The following RPL7 variants were observed in gnomAD, a reference collection of about 807,000 sequenced individuals.
RPL7 encodes large ribosomal subunit protein uL30.
For missense variants in RPL7, 205 were observed against 301.9 expected, an observed-to-expected ratio of 0.68 and a Z score of 2.38; for synonymous variants, 100 against 102.2, an observed-to-expected ratio of 0.98 and a Z score of 0.13.
In RPL7 at chr8:73,292,290, T is replaced by C. The variant is rs1814118106; in HGVS notation, c.239A>G (p.Asn80Ser). ...RMARMARKAG[N>S]FYVPAEPKLA... ...TTTGGGTTCTGCAGGTACATAGAAG[T>C]TGCCAGCTTTTCTTGCCATCCTCGC... The change falls in exon 3 of 7, where the codon AAC (asparagine) becomes AGC (serine). Residue 80 changes from asparagine (N) to serine (S), a missense_variant. By Grantham distance (46) the Asn-to-Ser change is conservative. Transcript: ENST00000352983. The C allele has an allele frequency of 6.2e-7, 1 of 1,612,842 alleles. No individual in the cohort carries two copies. The highest frequency in any genetic ancestry group is 1.3e-5 in the African/African-American group (1 of 74,888).
upstream of RPL7, chr8:73,293,950 C>A (rs984206420): frequency 1.8e-5 from 5 of 273,940 alleles, no homozygotes; most frequent in Admixed American, 9.8e-5. Flanking sequence ...GGACGAGCCT[C>A]ATGGGGACGA....
At chr8:73,292,472 A>T in intron 2 of RPL7, 67 bp from the exon 3 acceptor site, 1 of 1,399,310 alleles carries the variant, frequency 7.1e-7, no homozygotes, top group East Asian at 2.3e-5. Flanking sequence ...CAATCATTAA[A>T]AAGAAAACTA....
rs935644374 is a variant in RPL7, at chr8:73,290,494, T to A, written c.*213A>T. The stretch of plus-strand genomic sequence containing the variant: ...AAGCCTTTTAAAAACCCAAGAGATG[T>A]CTTTCACACAGACTCGACCCTGATT... On this transcript the variant is annotated 3_prime_UTR_variant, in exon 7 of 7. Transcript: ENST00000352983. 2 of 152,462 alleles carry A rather than the reference T, an allele frequency of 1.3e-5. No individual in the cohort carries two copies. The highest frequency in any genetic ancestry group is 2.9e-5 in the Non-Finnish European group (2 of 68,262). 9.4% of individuals were successfully genotyped at this position (152,462 alleles called of 1,614,324 possible). A position where few individuals can be genotyped will look rare whatever the true frequency, so the allele number is the denominator to read the frequency against.
In RPL7 at chr8:73,292,628, C is replaced by T. The variant is rs532599771; in HGVS notation, c.123+61G>A. ...AGTAAATCTTGCCAAGAACATTCACCTCATCCTCAATCCCAATAAGGCGCC... is the reference window on the plus strand; with the variant it reads ...AGTAAATCTTGCCAAGAACATTCACTTCATCCTCAATCCCAATAAGGCGCC... On this transcript the variant is annotated intron_variant, in intron 2 of 6. Transcript: ENST00000352983. 6.6e-4 allele frequency: 831 copies of T among 1,267,724 alleles called. 3 individuals carry two copies. The highest frequency in any genetic ancestry group is 8.4e-4 in the Non-Finnish European group (746 of 885,922). The allele number at this position is 1,267,724 out of a possible 1,614,324, so 78.5% of individuals were successfully genotyped here.
intron 5 of RPL7, 140 bp from the exon 6 acceptor site, chr8:73,291,392 G>C (rs2130340077): frequency 1.2e-6 from 1 of 847,972 alleles, no homozygotes; most frequent in Non-Finnish European, 1.8e-6. Flanking sequence ...ACAAAGATAA[G>C]GTTCAAGCTA....
Position 73,290,517 on chromosome 8 carries a change from A to C in RPL7, c.*190T>G, listed in dbSNP as rs1046684472. 2.6e-5 allele frequency: 4 copies of C among 152,892 alleles called. No homozygotes were observed. Among genetic ancestry groups the C allele is most frequent in the African/African-American group, 9.6e-5 (4 of 41,460 alleles). The allele number at this position is 152,892 out of a possible 1,614,324, so 9.5% of individuals were successfully genotyped here. ...TGTCTTTCACACAGACTCGACCCTG[A>C]TTTTGCACGAAATGGGCTGTTGATT... On this transcript the variant is annotated 3_prime_UTR_variant, in exon 7 of 7. Coordinates refer to ENST00000352983, the MANE Select transcript of RPL7 (RefSeq NM_000971.4).
chr8:73,291,935 G>GC (rs1207856362), intron 3 of RPL7, 25 bp from the exon 4 acceptor site: 1 of 1,601,572 alleles, frequency 6.2e-7, no homozygotes, highest in Non-Finnish European at 8.6e-7. Context: ...GACCAGAAAT[G>GC]CATTTGCCTT....
chr8:73,292,615 C>T, intron 2 of RPL7, 74 bp downstream of exon 2: 2 of 1,199,494 alleles, frequency 1.7e-6, no homozygotes, highest in Non-Finnish European at 1.2e-6. Flanking sequence ...TAAATCTTGC[C>T]AAGAACATTC....
At chr8:73,293,695 G>C (rs966091671), upstream of RPL7, 9 of 1,554,110 alleles carry the variant, frequency 5.8e-6, no homozygotes, top group Admixed American at 1.8e-5. Context: ...CGACTCATAG[G>C]TGTCTTAGAA....
chr8:73,292,632 T>A (rs1814129547), intron 2 of RPL7, 57 bp downstream of exon 2: 8 of 1,298,504 alleles, frequency 6.2e-6, no homozygotes, highest in Non-Finnish European at 6.6e-6. Flanking sequence ...ATTCACCTCA[T>A]CCTCAATCCC....
At chr8:73,292,140 T>C (rs1352184049) in intron 3 of RPL7, 99 bp downstream of exon 3, 23 of 1,264,628 alleles carry the variant, frequency 1.8e-5, no homozygotes, top group Non-Finnish European at 2.4e-5. Context: ...CCCTAAAATA[T>C]TGTTACTCCG....
intron 1 of RPL7, chr8:73,293,015 C>T (rs1814142265): frequency 2.5e-6 from 1 of 405,194 alleles, no homozygotes; most frequent in Admixed American, 4.1e-5. Context: ...ACAAATATGA[C>T]AATAGCAATA....
At position 73,290,391 on chromosome 8, in the gene RPL7, C is replaced by T. The variant is rs1374605262; in HGVS notation, c.*316G>A. The T allele has an allele frequency of 6.6e-6, 1 of 152,136 alleles. No homozygotes were observed. Among genetic ancestry groups the T allele is most frequent in the Non-Finnish European group, 1.5e-5 (1 of 68,006 alleles). 9.4% of individuals were successfully genotyped at this position (152,136 alleles called of 1,614,324 possible). On this transcript the variant is annotated 3_prime_UTR_variant, in exon 7 of 7. Coordinates refer to ENST00000352983, the MANE Select transcript of RPL7 (RefSeq NM_000971.4). ...AAATCATGTACAAATGCTTGTGAAA[C>T]AGGCTTTCTTAGAATAAACCCATTT...
chr8:73,293,713 G>C, upstream of RPL7: 1 of 1,482,098 alleles, frequency 6.7e-7, no homozygotes, highest in Non-Finnish European at 9.2e-7. Context: ...GAATAAGCCG[G>C]AAAAGAATCC....
chr8:73,291,274 A>G, intron 5 of RPL7, 22 bp from the exon 6 acceptor site: 1 of 1,565,462 alleles, frequency 6.4e-7, no homozygotes, highest in Non-Finnish European at 8.7e-7. Context: ...AAGGTTATTT[A>G]AGATTATTAA....
intron 5 of RPL7, 92 bp downstream of exon 5, chr8:73,291,460 G>T (rs1254526858): frequency 7.1e-6 from 7 of 986,054 alleles, no homozygotes; most frequent in Admixed American, 2.5e-5. Context: ...GGGAACACAT[G>T]AAGATTCACA....
Position 73,293,296 on chromosome 8 carries a change from A to C in RPL7, c.14+303T>G, listed in dbSNP as rs1041064469. 1.2e-5 allele frequency: 5 copies of C among 425,246 alleles called. No individual in the cohort carries two copies. The Admixed American group carries it at 1.5e-4, about 12-fold the overall frequency. 26.3% of individuals were successfully genotyped at this position (425,246 alleles called of 1,614,324 possible). A position where few individuals can be genotyped will look rare whatever the true frequency, so the allele number is the denominator to read the frequency against. ...CCAAGCACCAGCCAAGGACGAACAC[A>C]ATTCAGAGGTTCTGCGCCTCCCCCG... On this transcript the variant is annotated intron_variant, in intron 1 of 6. Transcript: ENST00000352983.
chr8:73,290,947 C>G, intron 6 of RPL7, 96 bp downstream of exon 6: 2 of 927,394 alleles, frequency 2.2e-6, no homozygotes, highest in East Asian at 2.6e-5. Flanking sequence ...GATTAAAATT[C>G]AAACCCCCAT....
At chr8:73,293,751 A>G (rs565692270), upstream of RPL7, 2 of 990,014 alleles carry the variant, frequency 2.0e-6, no homozygotes, top group East Asian at 2.6e-5. Flanking sequence ...TTGCAGACGC[A>G]AAGAACTCCC....
Sources: allele counts gnomAD v4.1 joint callset, GRCh38; gene constraint gnomAD v4.1.1; transcripts MANE v1.5; gene names NCBI Gene and HGNC (gene_info 2026-07-23, HGNC 2026-07-21).